The following ZFPM2 variants were observed in gnomAD, a reference collection of about 807,000 sequenced individuals.
ZFPM2 encodes the protein zinc finger protein, FOG family member 2, also known as zinc finger protein ZFPM2.
In ZFPM2, 20 loss-of-function variants were observed where a neutral mutation model predicts 98.6. That is an observed-to-expected ratio of 0.20 (90% CI 0.14 to 0.29). The LOEUF (loss-of-function observed/expected upper bound fraction) is 0.29, where lower values mean the gene tolerates loss of function less well. ZFPM2 is among the 10% of genes least tolerant of loss of function. The pLI is 1.00. For missense variants in ZFPM2, 1,310 were observed against 1,388.6 expected (o/e 0.94, Z 0.90); for synonymous variants, 518 against 502.7 (o/e 1.03, Z -0.41).
chr8:105,583,130 T>C (rs1292618268), intron 4 of ZFPM2, among the ~76,000 whole-genome samples: 3 of 152,210 alleles, frequency 2.0e-5, no homozygotes, highest in Non-Finnish European at 4.4e-5. Flanking sequence ...AGTCTCTTTA[T>C]TCCTTACTGG....
rs757507387 is a variant in ZFPM2 at position 105,697,095 on chromosome 8, G to A, written c.532+62738G>A. On this transcript the variant is annotated intron_variant, in intron 5 of 7. Coordinates refer to ENST00000407775, the MANE Select transcript of ZFPM2 (RefSeq NM_012082.4). ...GATTATCTGCTAATCTGACAAATGC[G>A]GAAAATCCGAGTCTATGAGATAGAA... 8.9e-4 allele frequency among the ~76,000 whole-genome samples: 136 copies of A among 151,956 alleles called. 2 individuals are homozygous for A. The highest frequency in any genetic ancestry group is 3.9e-4 in the Admixed American group (6 of 15,264).
chr8:105,505,972 A>G (rs750172612), intron 3 of ZFPM2, among the ~76,000 whole-genome samples: 6 of 152,188 alleles, frequency 3.9e-5, no homozygotes, highest in Non-Finnish European at 7.4e-5. Flanking sequence ...TAAAGCAGGA[A>G]TAAATCTGTT....
At chr8:105,437,744 T>C (rs989531353) in intron 2 of ZFPM2, among the ~76,000 whole-genome samples, 5 of 152,164 alleles carry the variant, frequency 3.3e-5, no homozygotes, top group African/African-American at 1.2e-4. Context: ...CCATTTTTAA[T>C]GTTAAACATT....
At chr8:105,793,530 A>G (rs1813691486) in intron 6 of ZFPM2, among the ~76,000 whole-genome samples, 2 of 151,846 alleles carry the variant, frequency 1.3e-5, no homozygotes, top group South Asian at 4.2e-4. Context: ...TTTTTCCTTC[A>G]TTTCAACTTT....
intron 1 of ZFPM2, among the ~76,000 whole-genome samples, chr8:105,415,342 C>T (rs575143465): frequency 4.6e-5 from 7 of 151,886 alleles, no homozygotes; most frequent in South Asian, 4.2e-4. Context: ...AACATTGAGA[C>T]GATTAATTCT....
intron 1 of ZFPM2, among the ~76,000 whole-genome samples, chr8:105,379,260 A>G (rs570212784): frequency 8.5e-5 from 13 of 152,294 alleles, no homozygotes; most frequent in African/African-American, 2.9e-4. Flanking sequence ...TTATAACTTT[A>G]TATCTGCATA....
chr8:105,554,985 T>TTTAAA (rs1814952131), intron 3 of ZFPM2, among the ~76,000 whole-genome samples: 2 of 152,158 alleles, frequency 1.3e-5, no homozygotes, highest in Admixed American at 1.3e-4. Flanking sequence ...ATTTTAAGTA[T>TTTAAA]TTCTCTCCAC....
intron 1 of ZFPM2, among the ~76,000 whole-genome samples, chr8:105,349,001 C>T (rs1425658984): frequency 2.0e-5 from 3 of 152,096 alleles, no homozygotes; most frequent in Non-Finnish European, 2.9e-5. Context: ...TCTCAGGGAT[C>T]CATTTATCTT....
In ZFPM2 at chr8:105,801,991, C is replaced by G. The variant is rs1237773534; in HGVS notation, c.1909C>G (p.Pro637Ala). 6.2e-7 allele frequency: 1 copy of G among 1,613,636 alleles called. No homozygotes were observed. Among genetic ancestry groups the G allele is most frequent in the Non-Finnish European group, 8.5e-7 (1 of 1,179,870 alleles). ...NSSTVLDLIG[P>A]NGKGHDKDFS... ...TTCCACTGTCTTAGATTTAATTGGGCCAAATGGGAAGGGCCATGACAAGGA... is the reference window on the plus strand; with the variant it reads ...TTCCACTGTCTTAGATTTAATTGGGGCAAATGGGAAGGGCCATGACAAGGA... Residue 637 changes from proline to alanine, a missense_variant, in exon 8 of 8, where the codon CCA becomes GCA. Physicochemically the swap from Pro to Ala is conservative, Grantham distance 27 (BLOSUM62 -1). Transcript: ENST00000407775.
chr8:105,753,892 A>G (rs1031186903), intron 5 of ZFPM2, among the ~76,000 whole-genome samples: 1 of 152,174 alleles, frequency 6.6e-6, no homozygotes, highest in African/African-American at 2.4e-5. Flanking sequence ...CTGCTGTTTC[A>G]GCAAGTGTGT....
At chr8:105,342,354 C>T (rs1812446094) in intron 1 of ZFPM2, among the ~76,000 whole-genome samples, 1 of 151,860 alleles carries the variant, frequency 6.6e-6, no homozygotes, top group South Asian at 2.1e-4. Context: ...TAGAAATTAC[C>T]TAAGAATTAG....
chr8:105,444,316 A>G lies in ZFPM2; in HGVS notation c.236A>G (p.Asp79Gly), dbSNP rs1812323188. Residue 79 changes from aspartate to glycine, a missense_variant, in exon 3 of 8, where the codon GAT becomes GGT. Physicochemically the swap from Asp to Gly is moderately conservative, Grantham distance 94. Transcript: ENST00000407775. ...GGAATCCAGGAGACAGCAGAATCAG[A>G]TGGGGACACACAGTCAGAGAAACCG... ...DEGIQETAES[D>G]GDTQSEKPGQ... The G allele has an allele frequency of 6.2e-7, 1 of 1,612,234 alleles. No individual in the cohort carries two copies. Among genetic ancestry groups the G allele is most frequent in the Non-Finnish European group, 8.5e-7 (1 of 1,179,228 alleles).
intron 3 of ZFPM2, among the ~76,000 whole-genome samples, chr8:105,458,666 A>G (rs893534417): frequency 5.3e-5 from 8 of 152,190 alleles, no homozygotes; most frequent in Non-Finnish European, 7.3e-5. Flanking sequence ...ATTTTTAATA[A>G]GCAATGCATT....
chr8:105,453,620 G>A (rs906231464), intron 3 of ZFPM2, among the ~76,000 whole-genome samples: 10 of 151,430 alleles, frequency 6.6e-5, no homozygotes, highest in African/African-American at 2.4e-4. Context: ...TTTTTTTCTG[G>A]AGTTTTTTTT....
chr8:105,615,984 G>A (rs993783822), intron 4 of ZFPM2, among the ~76,000 whole-genome samples: 2 of 151,984 alleles, frequency 1.3e-5, no homozygotes, highest in Non-Finnish European at 2.9e-5. Flanking sequence ...GACAAATGAG[G>A]CAACATACAA....
At chr8:105,503,736 C>G (rs535810977) in intron 3 of ZFPM2, among the ~76,000 whole-genome samples, 3 of 152,254 alleles carry the variant, frequency 2.0e-5, no homozygotes, top group Non-Finnish European at 4.4e-5. Flanking sequence ...AAGGAAGGTA[C>G]TATTTACTCA....
At chr8:105,414,454 A>G (rs191410517) in intron 1 of ZFPM2, among the ~76,000 whole-genome samples, 34 of 152,176 alleles carry the variant, frequency 2.2e-4, no homozygotes, top group Admixed American at 2.0e-3. Context: ...GAAAGTTATT[A>G]TTGAGACAAT....
intron 5 of ZFPM2, among the ~76,000 whole-genome samples, chr8:105,720,217 C>T (rs902377581): frequency 2.0e-5 from 3 of 151,818 alleles, no homozygotes; most frequent in Admixed American, 6.6e-5. Context: ...ATTATTCATA[C>T]GATTCTGCTC....
intron 3 of ZFPM2, among the ~76,000 whole-genome samples, chr8:105,548,750 C>T (rs1814772302): frequency 6.6e-6 from 1 of 151,974 alleles, no homozygotes; most frequent in Admixed American, 6.6e-5. Context: ...AGATTTTTTT[C>T]CTTACTGGTA....
Sources: gnomAD v4.1 joint callset for allele counts (sites outside exome capture counted in the v4.1 genomes callset) on GRCh38, gnomAD v4.1.1 for gene constraint, MANE v1.5 for transcripts, NCBI Gene and HGNC (gene_info 2026-07-23, HGNC 2026-07-21) for gene names.